RYR3: variants seen among roughly 807,000 people sequenced by gnomAD.
RYR3 encodes brain ryanodine receptor-calcium release channel.
In RYR3, 207 loss-of-function variants were observed where a neutral mutation model predicts 584.3. The observed-to-expected ratio is 0.35, with a 90% CI of 0.32 to 0.40. RYR3 has a LOEUF of 0.40. RYR3 is among the 10% of genes least tolerant of loss of function. The probability of loss-of-function intolerance (pLI) is 1.00; values close to 1 mark genes in which losing one functional copy is unlikely to be tolerated. For missense variants in RYR3, 5,616 were observed against 6,089.2 expected (o/e 0.92, Z 2.59); for synonymous variants, 2,416 against 2,248.5 (o/e 1.07, Z -2.11).
At chr15:33,672,564 G>A (rs977431903) in intron 38 of RYR3, among the ~76,000 whole-genome samples, 2 of 152,102 alleles carry the variant, frequency 1.3e-5, no homozygotes, top group African/African-American at 4.8e-5. Context: ...ACTCAAGCCT[G>A]GCATTTTAAA....
At position 33,678,543 on chromosome 15, in the gene RYR3, T is replaced by TTCATAAATTATGCAA. The variant is rs2064348536; in HGVS notation, c.5860+7988_5860+7989insCATAAATTATGCAAT. On this transcript the variant is annotated intron_variant, in intron 38 of 103. Coordinates refer to ENST00000634891, the MANE Select transcript of RYR3 (RefSeq NM_001036.6). ...TAAATTATGCAATCTCAGGTAGTTC[T>TTCATAAATTATGCAA]TTATAGCAGTGTGAGAATGGACTAA... 2.0e-5 allele frequency among the ~76,000 whole-genome samples: 3 copies of TTCATAAATTATGCAA among 152,244 alleles called. No homozygotes were observed. In the South Asian group the frequency reaches 6.2e-4, roughly 31 times the overall value.
At chr15:33,548,818 G>T (rs752789399) in intron 9 of RYR3, among the ~76,000 whole-genome samples, 2 of 152,156 alleles carry the variant, frequency 1.3e-5, no homozygotes, top group Non-Finnish European at 2.9e-5. Flanking sequence ...CCTTTACTGG[G>T]CTGAGAGGAT....
intron 1 of RYR3, among the ~76,000 whole-genome samples, chr15:33,336,501 A>AGAAGGAGGGAAGGAGGGAAGGAGG (rs1236824129): frequency 5.2e-5 from 1 of 19,106 alleles, no homozygotes. Context: ...AAAGAAAGAA[A>AGAAGGAGGGAAGGAGGGAAGGAGG]GAAGGAGGGA....
intron 52 of RYR3, among the ~76,000 whole-genome samples, chr15:33,742,663 G>T (rs926479989): frequency 6.6e-6 from 1 of 152,186 alleles, no homozygotes; most frequent in Non-Finnish European, 1.5e-5. Flanking sequence ...TCAAGAAAAT[G>T]ATCAATTCTG....
chr15:33,670,318 AG>A (rs2063768778), intron 37 of RYR3, 100 bp from the exon 38 acceptor site: 12 of 1,220,702 alleles, frequency 9.8e-6, no homozygotes, highest in Non-Finnish European at 1.4e-5. Flanking sequence ...ATCTTTAGAA[AG>A]TTCCAGAAGG....
Position 33,408,194 on chromosome 15 carries a change from G to A in RYR3, c.52-65225G>A, listed in dbSNP as rs554481216. On this transcript the variant is annotated intron_variant, in intron 1 of 103. Transcript: ENST00000634891. ...CTTTGCAGTCCCCAGTTGCTACTGT[G>A]GGCATCTTTATGTCCATGAGTACCT... Among the ~76,000 whole-genome samples the A allele has an allele frequency of 3.3e-5, 5 of 152,194 alleles. No homozygotes were observed. In the South Asian group the frequency reaches 1.0e-3, roughly 32 times the overall value.
At chr15:33,370,839 CAT>C (rs1462098909) in intron 1 of RYR3, among the ~76,000 whole-genome samples, 1 of 152,098 alleles carries the variant, frequency 6.6e-6, no homozygotes, top group Non-Finnish European at 1.5e-5. Flanking sequence ...AAAGATGACT[CAT>C]ATCTAGAGCA....
intron 41 of RYR3, among the ~76,000 whole-genome samples, chr15:33,700,641 T>C (rs145054094): frequency 0.011 from 1,645 of 152,244 alleles, 21 homozygotes; most frequent in Middle Eastern, 0.017. Context: ...CCCAGAAATA[T>C]ACAGGTTCCA....
At chr15:33,667,609 C>T (rs1170231636) in intron 36 of RYR3, among the ~76,000 whole-genome samples, 2 of 152,216 alleles carry the variant, frequency 1.3e-5, no homozygotes, top group African/African-American at 4.8e-5. Context: ...TACTACATCA[C>T]AAATTTGATT....
At chr15:33,380,316 C>A (rs939823092) in intron 1 of RYR3, among the ~76,000 whole-genome samples, 2 of 152,266 alleles carry the variant, frequency 1.3e-5, no homozygotes, top group Admixed American at 1.3e-4. Context: ...AGGGGACTGA[C>A]CAGAGGCCTG....
chr15:33,346,355 A>G (rs1016627095), intron 1 of RYR3, among the ~76,000 whole-genome samples: 4 of 152,258 alleles, frequency 2.6e-5, no homozygotes, highest in African/African-American at 9.6e-5. Context: ...CAGTGGTTTC[A>G]AAGCAGTGCT....
At chr15:33,712,471 G>A (rs1305748847) in intron 43 of RYR3, among the ~76,000 whole-genome samples, 2 of 152,134 alleles carry the variant, frequency 1.3e-5, no homozygotes, top group Admixed American at 6.5e-5. Flanking sequence ...GAGATGGAAG[G>A]TAATAAGCTT....
Position 33,755,435 on chromosome 15 carries a change from A to G in RYR3, c.8515+255A>G, listed in dbSNP as rs565072776. Among the ~76,000 whole-genome samples, 476 of 152,226 alleles carry G rather than the reference A, an allele frequency of 3.1e-3. 2 individuals are homozygous for G. The highest frequency in any genetic ancestry group is 4.6e-3 in the Non-Finnish European group (314 of 68,018). On this transcript the variant is annotated intron_variant, in intron 58 of 103. Transcript: ENST00000634891. ...AGAGATGGAGACCATCCTGGCCAAC[A>G]TGGTGAAATCCCATCTCTGCTAAAA... is the stretch of plus-strand genomic sequence containing the variant.
chr15:33,550,064 A>AT, intron 9 of RYR3, 96 bp from the exon 10 acceptor site: 1 of 1,298,428 alleles, frequency 7.7e-7, no homozygotes. Flanking sequence ...CAGAAGGGTT[A>AT]TAAGTCTGCT....
chr15:33,412,493 G>A lies in RYR3; in HGVS notation c.52-60926G>A, dbSNP rs1168070604. On this transcript the variant is annotated intron_variant, in intron 1 of 103. Coordinates refer to ENST00000634891, the MANE Select transcript of RYR3 (RefSeq NM_001036.6). This position sits in a 1 kb window ranked among gnomAD's most constrained non-coding sequence, Gnocchi z 4.3. The stretch of plus-strand genomic sequence containing the variant: ...TTGTCACCAGTAGGATCACTTTGAA[G>A]CCACCCTGGCCACGTGCATTGGCAG... 6.6e-6 allele frequency among the ~76,000 whole-genome samples: 1 copy of A among 152,138 alleles called. No homozygotes were observed. The highest frequency in any genetic ancestry group is 1.9e-4 in the East Asian group (1 of 5,184).
chr15:33,741,905 C>T (rs1030999212), intron 51 of RYR3, among the ~76,000 whole-genome samples: 4 of 152,152 alleles, frequency 2.6e-5, no homozygotes, highest in East Asian at 3.9e-4. Flanking sequence ...TGAGCCACAG[C>T]GCCCGGCCCC....
At position 33,635,606 on chromosome 15, in the gene RYR3, C is replaced by A; in HGVS notation, c.3176-8C>A. On this transcript the variant is annotated splice_region_variant and splice_polypyrimidine_tract_variant and intron_variant, in intron 25 of 103. Transcript: ENST00000634891. ...CACACCCTCTGTTCGCCTTTCTTCT[C>A]ACAATAGCTGACTCGGCTGTGGAGA... 6.2e-7 allele frequency: 1 copy of A among 1,611,534 alleles called. No homozygotes were observed. Among genetic ancestry groups the A allele is most frequent in the Non-Finnish European group, 8.5e-7 (1 of 1,178,372 alleles).
intron 64 of RYR3, among the ~76,000 whole-genome samples, chr15:33,776,455 G>A (rs1368503976): frequency 6.6e-6 from 1 of 152,190 alleles, no homozygotes; most frequent in Non-Finnish European, 1.5e-5. Flanking sequence ...ACTTGGTAAC[G>A]TTAAACACTG....
chr15:33,573,526 G>A (rs1055717821), intron 12 of RYR3, among the ~76,000 whole-genome samples: 3 of 152,190 alleles, frequency 2.0e-5, no homozygotes, highest in African/African-American at 4.8e-5. Flanking sequence ...CAGTGTGATC[G>A]ATTAAGGAGT....
Sources: gnomAD v4.1 joint callset for allele counts (sites outside exome capture counted in the v4.1 genomes callset) on GRCh38, gnomAD v4.1.1 for gene constraint, Gnocchi (gnomAD v3.1) non-coding constraint, MANE v1.5 for transcripts, NCBI Gene and HGNC (gene_info 2026-07-23, HGNC 2026-07-21) for gene names.